Variants in NPHS1 observed in about 807,000 individuals in gnomAD.
NPHS1 encodes nephrin.
In NPHS1, 107 loss-of-function variants were observed where a neutral mutation model predicts 139.7. The observed-to-expected ratio is 0.77, with a 90% CI of 0.66 to 0.90. The LOEUF (loss-of-function observed/expected upper bound fraction) is 0.90. NPHS1 is among the 40% of genes least tolerant of loss of function. The pLI is 0.00. For missense variants in NPHS1, 1,580 were observed against 1,654.2 expected (o/e 0.96, Z 0.78); for synonymous variants, 707 against 706.6 (o/e 1.00, Z -0.01).
At position 35,846,153 on chromosome 19, in the gene NPHS1, C is replaced by T. The variant is rs549535993; in HGVS notation, c.1482G>A (p.Ser494=). The T allele has an allele frequency of 1.1e-5, 18 of 1,596,354 alleles. No individual in the cohort carries two copies. The East Asian group carries it at 2.0e-4, about 18-fold the overall frequency. The change falls in exon 12 of 29, where the codon TCG becomes TCA. Residue 494 remains serine (S), a synonymous_variant. Coordinates refer to ENST00000378910, the MANE Select transcript of NPHS1 (RefSeq NM_004646.4). ...CCACGCTGCCGAGATGCACGCGCCG[C>T]GACTCCTGCGGCAGCCGCGACTCGG... ...TVTESRLPQE[S]RRVHLGSVEK...
intron 11 of NPHS1, among the ~76,000 whole-genome samples, chr19:35,846,867 C>G (rs577548502): frequency 1.3e-5 from 2 of 152,176 alleles, no homozygotes; most frequent in East Asian, 1.9e-4. Flanking sequence ...TCTAGTCTTC[C>G]CCCCAAAGTT....
intron 22 of NPHS1, among the ~76,000 whole-genome samples, chr19:35,838,675 C>T (rs993979189): frequency 3.3e-5 from 5 of 152,034 alleles, no homozygotes; most frequent in Non-Finnish European, 7.4e-5. Flanking sequence ...TGGTGAAACC[C>T]CGTCTCTATT....
intron 24 of NPHS1, 41 bp downstream of exon 24, chr19:35,831,602 C>T (rs1568449262): frequency 2.5e-6 from 4 of 1,612,704 alleles, no homozygotes; most frequent in Non-Finnish European, 3.4e-6. Context: ...TTCCCTATCA[C>T]CCTCGGGTCT....
rs755962215 is a variant in NPHS1 at position 35,849,618 on chromosome 19, A to C, written c.644T>G (p.Leu215Arg). The change falls in exon 6 of 29, where the codon CTG becomes CGG. Residue 215 changes from leucine to arginine, a missense_variant. Leu to Arg is a moderately radical substitution (Grantham distance 102). Coordinates refer to ENST00000378910, the MANE Select transcript of NPHS1 (RefSeq NM_004646.4). ...TGCTGGGCTAGACGCCTCACAGACC[A>C]GCAACTGCCTATTATCTGAGCTCCG... is the stretch of plus-strand genomic sequence containing the variant. ...TPRSSDNRQL[L>R]VCEASSPALE... 8.7e-6 allele frequency: 14 copies of C among 1,614,112 alleles called. No homozygotes were observed. Among genetic ancestry groups the C allele is most frequent in the Non-Finnish European group, 1.2e-5 (14 of 1,180,010 alleles).
chr19:35,842,316 G>C, intron 18 of NPHS1, 36 bp from the exon 19 acceptor site: 16 of 1,612,316 alleles, frequency 9.9e-6, no homozygotes, highest in Non-Finnish European at 1.4e-5. Flanking sequence ...GAGCTATGTG[G>C]GAGACATGAG....
chr19:35,844,561 G>T, intron 14 of NPHS1, 102 bp from the exon 15 acceptor site: 1 of 1,276,240 alleles, frequency 7.8e-7, no homozygotes, highest in Non-Finnish European at 1.1e-6. Context: ...TTGGGGTCAC[G>T]ACGGGGTTTA....
In NPHS1 at chr19:35,839,168, T is replaced by C. The variant is rs1973017566; in HGVS notation, c.3109+69A>G. 3.4e-6 allele frequency: 5 copies of C among 1,472,494 alleles called. No homozygotes were observed. In the South Asian group the frequency reaches 3.4e-5, roughly 10 times the overall value. 91.2% of individuals were successfully genotyped at this position (1,472,494 alleles called of 1,614,324 possible). On this transcript the variant is annotated intron_variant, in intron 22 of 28. Coordinates refer to ENST00000378910, the MANE Select transcript of NPHS1 (RefSeq NM_004646.4). ...AACTCATCATAAAAGGGGAATAGTA[T>C]TGACTTCACCATACTACCCTACACA...
At chr19:35,847,343 C>CA (rs1568455240) in intron 11 of NPHS1, among the ~76,000 whole-genome samples, 2 of 116,240 alleles carry the variant, frequency 1.7e-5, no homozygotes, top group Non-Finnish European at 3.4e-5. Flanking sequence ...CTGTGCCCAG[C>CA]CTTTTTTTTT....
At position 35,852,177 on chromosome 19, in the gene NPHS1, C is replaced by T. The variant is rs1137844; in HGVS notation, c.-340G>A. ...CTCTTTCCTTCAAGCCATCCTCCCACCTTGGCCTCCCCAAGTGTTGGGATT... is the reference window on the plus strand; with the variant it reads ...CTCTTTCCTTCAAGCCATCCTCCCATCTTGGCCTCCCCAAGTGTTGGGATT... On this transcript the variant is annotated 5_prime_UTR_variant, in exon 1 of 29. In the 5' UTR this introduces an upstream ATG that the reference lacks. Transcript: ENST00000378910. 6.7e-6 allele frequency among the ~76,000 whole-genome samples: 1 copy of T among 150,244 alleles called. No individual in the cohort carries two copies. The highest frequency in any genetic ancestry group is 1.5e-5 in the Non-Finnish European group (1 of 67,608).
At position 35,851,249 on chromosome 19, in the gene NPHS1, C is replaced by T; in HGVS notation, c.397+13G>A. ...GCCCAGACTCATGGGTCCTGGGCGT[C>T]TCTCACCCATACCCAGGATGGAGAG... On this transcript the variant is annotated intron_variant, in intron 3 of 28. Coordinates refer to ENST00000378910, the MANE Select transcript of NPHS1 (RefSeq NM_004646.4). 1 of 1,613,990 alleles carries T rather than the reference C, an allele frequency of 6.2e-7. No individual in the cohort carries two copies. The highest frequency in any genetic ancestry group is 8.5e-7 in the Non-Finnish European group (1 of 1,179,936).
chr19:35,842,318 AGACAT>A, intron 18 of NPHS1, 38 bp from the exon 19 acceptor site: 1 of 1,612,414 alleles, frequency 6.2e-7, no homozygotes, highest in Non-Finnish European at 8.5e-7. Flanking sequence ...GCTATGTGGG[AGACAT>A]GAGGGCTGTG....
At chr19:35,843,805 T>C (rs1037898340) in intron 16 of NPHS1, 27 of 662,632 alleles carry the variant, frequency 4.1e-5, no homozygotes, top group Admixed American at 2.0e-4. Context: ...TTAGAGTGAG[T>C]TGAGTGGGCT....
Position 35,848,962 on chromosome 19 carries a change from G to A in NPHS1, c.1012+14C>T, listed in dbSNP as rs1314635490. The A allele has an allele frequency of 1.9e-6, 3 of 1,611,476 alleles. No homozygotes were observed. In the South Asian group the frequency reaches 3.3e-5, roughly 18 times the overall value. On this transcript the variant is annotated intron_variant, in intron 8 of 28. Coordinates refer to ENST00000378910, the MANE Select transcript of NPHS1 (RefSeq NM_004646.4). ...GCACAGACCGACAGGGGGGCAGCTG[G>A]CACCAGGACTCACAGGTGACCTGCA...
Position 35,825,685 on chromosome 19 carries a change from C to T in NPHS1, c.*829G>A, listed in dbSNP as rs1972792597. ...TTTTCCTCTAGCTTCTTTTGATTGT[C>T]TGTTTATTTTAATGCTTATGGAGCA... is the stretch of plus-strand genomic sequence containing the variant. On this transcript the variant is annotated 3_prime_UTR_variant, in exon 29 of 29. Transcript: ENST00000378910. 6.6e-6 allele frequency among the ~76,000 whole-genome samples: 1 copy of T among 152,132 alleles called. No homozygotes were observed.
intron 23 of NPHS1, among the ~76,000 whole-genome samples, chr19:35,833,256 TC>T (rs1344429552): frequency 2.6e-5 from 4 of 152,042 alleles, no homozygotes; most frequent in Admixed American, 6.6e-5. Flanking sequence ...GGCTGCTATA[TC>T]CCTGAGGACA....
In NPHS1 at chr19:35,845,784, C is replaced by T; in HGVS notation, c.1642G>A (p.Val548Met). Residue 548 changes from valine (V) to methionine (M), a missense_variant, in exon 13 of 29, where the codon GTG (valine) becomes ATG (methionine). Physicochemically the swap from Val to Met is conservative, Grantham distance 21. Coordinates refer to ENST00000378910, the MANE Select transcript of NPHS1 (RefSeq NM_004646.4). The surrounding 1 kb of genome is among the most constrained non-coding windows in gnomAD (Gnocchi z 5.5). The part of the protein sequence containing the change: ...QLAVQFPPTN[V>M]TILANASALR... ...GCGGATGCGTTGGCCAGGATCGTCA[C>T]GTTAGTTGGGGGAACTGGGAGACGG... 2.5e-6 allele frequency: 4 copies of T among 1,613,086 alleles called. No homozygotes were observed. Among genetic ancestry groups the T allele is most frequent in the Non-Finnish European group, 3.4e-6 (4 of 1,179,166 alleles).
At position 35,851,103 on chromosome 19, in the gene NPHS1, G is replaced by T. The variant is rs1258357242; in HGVS notation, c.398-14C>A. 2 of 1,614,106 alleles carry T rather than the reference G, an allele frequency of 1.2e-6. No homozygotes were observed. Among genetic ancestry groups the T allele is most frequent in the African/African-American group, 1.3e-5 (1 of 75,046 alleles). ...GCTTGGGAGGAACTGGTGAGAGAAGGGTCTGGGGTAAGCTTCCAGCACTGA... is the reference window on the plus strand; with the variant it reads ...GCTTGGGAGGAACTGGTGAGAGAAGTGTCTGGGGTAAGCTTCCAGCACTGA... On this transcript the variant is annotated splice_polypyrimidine_tract_variant and intron_variant, in intron 3 of 28. Coordinates refer to ENST00000378910, the MANE Select transcript of NPHS1 (RefSeq NM_004646.4).
intron 9 of NPHS1, 53 bp from the exon 10 acceptor site, chr19:35,848,450 G>C: frequency 6.2e-7 from 1 of 1,612,856 alleles, no homozygotes; most frequent in Non-Finnish European, 8.5e-7. Context: ...TATCCATCGT[G>C]CTAGAGGCCT....
At position 35,845,652 on chromosome 19, in the gene NPHS1, A is replaced by G. The variant is rs760315284; in HGVS notation, c.1757+17T>C. 2 of 1,612,388 alleles carry G rather than the reference A, an allele frequency of 1.2e-6. No homozygotes were observed. Among genetic ancestry groups the G allele is most frequent in the Admixed American group, 1.7e-5 (1 of 59,782 alleles). The stretch of plus-strand genomic sequence containing the variant: ...CGAGGCCAGACCAGAGAGGGGAGGG[A>G]TCCCTCGCACTCCCACCTCTCCCCT... On this transcript the variant is annotated intron_variant, in intron 13 of 28. Transcript: ENST00000378910. This position sits in a 1 kb window ranked among gnomAD's most constrained non-coding sequence, Gnocchi z 5.5.
Sources: allele counts gnomAD v4.1 joint callset (sites outside exome capture counted in the v4.1 genomes callset), GRCh38; gene constraint gnomAD v4.1.1; non-coding constraint Gnocchi (gnomAD v3.1); transcripts MANE v1.5; gene names NCBI Gene and HGNC (gene_info 2026-07-23, HGNC 2026-07-21).